STRN4: variants seen among roughly 807,000 people sequenced by gnomAD.
The protein encoded by STRN4 is striatin 4.
A neutral mutation model predicts 77.9 loss-of-function variants in STRN4; 27 were observed. That is an observed-to-expected ratio of 0.35 (90% CI 0.26 to 0.48). The LOEUF is 0.48. STRN4 is among the 20% of genes least tolerant of loss of function. The pLI, the probability that STRN4 is intolerant of heterozygous loss-of-function variation, is 0.99. For missense variants in STRN4, 798 were observed against 1,049.7 expected, an observed-to-expected ratio of 0.76 and a Z score of 3.31; for synonymous variants, 466 against 443.1, an observed-to-expected ratio of 1.05 and a Z score of -0.65.
In STRN4 at chr19:46,733,085, C is replaced by T; in HGVS notation, c.691G>A (p.Gly231Ser). ...RAPPGPAGLS[G>S]GESLLVKQIE... ...TGTTTCACCAGCAGCGACTCCCCAC[C>T]ACTGAGCCCTGCAGGGCCTGGTGGA... is the stretch of plus-strand genomic sequence containing the variant. The change falls in exon 5 of 18, where the codon GGT (glycine) becomes AGT (serine). Residue 231 changes from glycine to serine, a missense_variant. This residue lies in a region of STRN4 where 511 missense variants were observed against 575.9 expected (regional missense o/e 0.89). Coordinates refer to ENST00000263280, the MANE Select transcript of STRN4 (RefSeq NM_013403.3). This position sits in a 1 kb window ranked among gnomAD's most constrained non-coding sequence, Gnocchi z 4.3. 6.2e-7 allele frequency: 1 copy of T among 1,613,644 alleles called. No individual in the cohort carries two copies. The highest frequency in any genetic ancestry group is 8.5e-7 in the Non-Finnish European group (1 of 1,179,860).
At chr19:46,736,777 C>A (rs762658816) in intron 4 of STRN4, 46 bp downstream of exon 4, 8 of 1,592,652 alleles carry the variant, frequency 5.0e-6, no homozygotes, top group Non-Finnish European at 6.9e-6. Flanking sequence ...ATCTCTCAAG[C>A]CAAACGTGTC....
At position 46,730,777 on chromosome 19, in the gene STRN4, C is replaced by T. The variant is rs543353158; in HGVS notation, c.834G>A (p.Glu278=). 2.2e-5 allele frequency: 35 copies of T among 1,613,066 alleles called. No homozygotes were observed. In the Middle Eastern group the frequency reaches 8.5e-4, roughly 39 times the overall value. ...LQNCEDEDSD[E]DDELDSVQHK... ...GCTGCACGCTGTCCAGCTCATCGTC[C>T]TCGTCGCTGTCTTCGTCCTCGCAGT... The change falls in exon 6 of 18, where the codon GAG becomes GAA. Residue 278 remains glutamate (E), a synonymous_variant. Transcript: ENST00000263280.
At position 46,723,547 on chromosome 19, in the gene STRN4, G is replaced by A. The variant is rs1452267979; in HGVS notation, c.1595-263C>T. ...ATTCACAGCTGTCTCCCCAAGCAGG[G>A]CCCAGAAACTGGGAGCTCAATACAG... On this transcript the variant is annotated intron_variant, in intron 12 of 17. Transcript: ENST00000263280. The surrounding 1 kb of genome is among the most constrained non-coding windows in gnomAD (Gnocchi z 5.5). 6.6e-6 allele frequency among the ~76,000 whole-genome samples: 1 copy of A among 152,204 alleles called. No homozygotes were observed. The highest frequency in any genetic ancestry group is 1.5e-5 in the Non-Finnish European group (1 of 68,032).
chr19:46,728,856 A>AAGCC, intron 6 of STRN4, 79 bp from the exon 7 acceptor site: 6 of 1,565,616 alleles, frequency 3.8e-6, no homozygotes, highest in Non-Finnish European at 5.2e-6. Context: ...AGGAACAGGT[A>AAGCC]AGCCGGGGCT....
intron 16 of STRN4, 53 bp from the exon 17 acceptor site, chr19:46,720,824 G>T: frequency 4.7e-6 from 7 of 1,493,530 alleles, no homozygotes; most frequent in Non-Finnish European, 6.3e-6. Context: ...TCGCTCAGAC[G>T]CAGCCCTGGA....
chr19:46,726,483 C>CA (rs35238185), intron 9 of STRN4, among the ~76,000 whole-genome samples: 44,097 of 133,992 alleles, frequency 0.33, 6,997 homozygotes, highest in South Asian at 0.4. Context: ...CCTCAAGGAG[C>CA]AAAAAAAAAA....
At chr19:46,729,491 G>T (rs76507532) in intron 6 of STRN4, among the ~76,000 whole-genome samples, 4,851 of 152,306 alleles carry the variant, frequency 0.032, 136 homozygotes, top group Non-Finnish European at 0.052. Context: ...ACCTGCATGG[G>T]GGGGACCAGA....
Position 46,719,639 on chromosome 19 carries a change from A to T in STRN4, c.*766T>A, listed in dbSNP as rs1290712125. Reference sequence around the variant, plus strand: ...AGAACCAAACAAGAGAGTGAAATAAATAGAGGGAAAGAGTGGAGACAGGGA... The same window carrying T: ...AGAACCAAACAAGAGAGTGAAATAATTAGAGGGAAAGAGTGGAGACAGGGA... On this transcript the variant is annotated 3_prime_UTR_variant, in exon 18 of 18. Coordinates refer to ENST00000263280, the MANE Select transcript of STRN4 (RefSeq NM_013403.3). 1 of 152,624 alleles carries T rather than the reference A, an allele frequency of 6.6e-6. No homozygotes were observed. The highest frequency in any genetic ancestry group is 1.5e-5 in the Non-Finnish European group (1 of 68,078). 9.5% of individuals were successfully genotyped at this position (152,624 alleles called of 1,614,324 possible).
chr19:46,740,311 C>T (rs2054451157), intron 1 of STRN4: 1 of 152,068 alleles, frequency 6.6e-6, no homozygotes, highest in Non-Finnish European at 1.5e-5. Context: ...AAATACATGT[C>T]ACCAGTTACC....
At chr19:46,727,861 C>T in intron 8 of STRN4, 33 bp downstream of exon 8, 2 of 1,546,644 alleles carry the variant, frequency 1.3e-6, no homozygotes, top group South Asian at 1.2e-5. Flanking sequence ...CATGGGCCCG[C>T]AGGACTGGGA....
At chr19:46,726,899 C>T (rs1158508621) in intron 9 of STRN4, among the ~76,000 whole-genome samples, 3 of 152,174 alleles carry the variant, frequency 2.0e-5, no homozygotes, top group Non-Finnish European at 2.9e-5. Context: ...TGCAGAGGGA[C>T]CCCATGGCAC....
intron 7 of STRN4, 52 bp from the exon 8 acceptor site, chr19:46,728,059 T>A: frequency 6.5e-7 from 1 of 1,537,162 alleles, no homozygotes; most frequent in Non-Finnish European, 8.9e-7. Flanking sequence ...CAACCCAGTC[T>A]GGCATAGGTG....
chr19:46,733,552 A>G lies in STRN4; in HGVS notation c.540-316T>C. The G allele has an allele frequency of 3.0e-6, 1 of 332,210 alleles. No homozygotes were observed. Among genetic ancestry groups the G allele is most frequent in the Middle Eastern group, 8.7e-4 (1 of 1,148 alleles). 20.6% of individuals were successfully genotyped at this position (332,210 alleles called of 1,614,324 possible). A position where few individuals can be genotyped will look rare whatever the true frequency, so the allele number is the denominator to read the frequency against. Reference sequence around the variant, plus strand: ...GACTCATAGCGCTGCAAGGCAGAAGATCAACAGGGCAGAGCCTTAAGGGAA... The same window carrying G: ...GACTCATAGCGCTGCAAGGCAGAAGGTCAACAGGGCAGAGCCTTAAGGGAA... On this transcript the variant is annotated intron_variant, in intron 4 of 17. Coordinates refer to ENST00000263280, the MANE Select transcript of STRN4 (RefSeq NM_013403.3). The surrounding 1 kb of genome is among the most constrained non-coding windows in gnomAD (Gnocchi z 4.3).
At chr19:46,729,063 T>G (rs1169654056) in intron 6 of STRN4, among the ~76,000 whole-genome samples, 2 of 152,170 alleles carry the variant, frequency 1.3e-5, no homozygotes, top group Non-Finnish European at 2.9e-5. Flanking sequence ...AGTCAGATAA[T>G]GCAACAATCT....
At position 46,730,867 on chromosome 19, in the gene STRN4, C is replaced by T. The variant is rs778151442; in HGVS notation, c.744G>A (p.Ala248=). The T allele has an allele frequency of 7.4e-6, 12 of 1,610,820 alleles. No homozygotes were observed. Among genetic ancestry groups the T allele is most frequent in the Admixed American group, 3.3e-5 (2 of 60,024 alleles). The change falls in exon 6 of 18, where the codon GCG becomes GCA. Residue 248 remains alanine, a synonymous_variant. Transcript: ENST00000263280. The stretch of plus-strand genomic sequence containing the variant: ...AGCGCTCTTTGCCATCTTTGCCTGC[C>T]GCGTTCCTGCCAAAGACAGCAGAGC... ...KQIEEQIKRN[A]AGKDGKERLG...
intron 1 of STRN4, among the ~76,000 whole-genome samples, chr19:46,739,707 A>G (rs977847157): frequency 8.5e-5 from 13 of 152,212 alleles, no homozygotes; most frequent in African/African-American, 2.9e-4. Flanking sequence ...GAACAGCCAG[A>G]GCCCAGGCCC....
Position 46,738,965 on chromosome 19 carries a change from T to C in STRN4, c.283-77A>G. ...CCGGTGTGTCTATCACTCACCCAGG[T>C]ATAGTGCCAGCCCACAGTCACCCCA... On this transcript the variant is annotated intron_variant, in intron 1 of 17. Transcript: ENST00000263280. This position sits in a 1 kb window ranked among gnomAD's most constrained non-coding sequence, Gnocchi z 4.5. 1 of 1,268,202 alleles carries C rather than the reference T, an allele frequency of 7.9e-7. No individual in the cohort carries two copies. Among genetic ancestry groups the C allele is most frequent in the Middle Eastern group, 1.9e-4 (1 of 5,202 alleles). The allele number at this position is 1,268,202 out of a possible 1,614,324, so 78.6% of individuals were successfully genotyped here. A position where few individuals can be genotyped will look rare whatever the true frequency, so the allele number is the denominator to read the frequency against.
At chr19:46,732,867 G>T (rs1442453789) in intron 5 of STRN4, among the ~76,000 whole-genome samples, 172 bp downstream of exon 5, 1 of 152,146 alleles carries the variant, frequency 6.6e-6, no homozygotes, top group African/African-American at 2.4e-5. Context: ...GACAGAATCC[G>T]GGGGATCCCA....
In STRN4 at chr19:46,746,134, C is replaced by G. The variant is rs770147043; in HGVS notation, c.282+15G>C. 2 of 1,494,262 alleles carry G rather than the reference C, an allele frequency of 1.3e-6. No individual in the cohort carries two copies. The highest frequency in any genetic ancestry group is 5.8e-5 in the East Asian group (2 of 34,284). 92.6% of individuals were successfully genotyped at this position (1,494,262 alleles called of 1,614,324 possible). A position where few individuals can be genotyped will look rare whatever the true frequency, so the allele number is the denominator to read the frequency against. On this transcript the variant is annotated intron_variant, in intron 1 of 17. Coordinates refer to ENST00000263280, the MANE Select transcript of STRN4 (RefSeq NM_013403.3). ...GGGCCGGGTTGGGGGTCGGGGGTCC[C>G]GGGACAGCGCTCACCTGTAACTCGG...
Sources: gnomAD v4.1 joint callset for allele counts (sites outside exome capture counted in the v4.1 genomes callset) on GRCh38, gnomAD v4.1.1 for gene constraint, gnomAD v4.1.1 regional missense constraint, Gnocchi (gnomAD v3.1) non-coding constraint, MANE v1.5 for transcripts, NCBI Gene and HGNC (gene_info 2026-07-23, HGNC 2026-07-21) for gene names.